The following PPP2R3B variants were observed in gnomAD, a reference collection of about 807,000 sequenced individuals.
PPP2R3B encodes the protein protein phosphatase 2 regulatory subunit B''beta, also known as serine/threonine-protein phosphatase 2A regulatory subunit B'' subunit beta.
Under a neutral mutation model 72.9 loss-of-function variants are expected in PPP2R3B, and 68 were observed. That is an observed-to-expected ratio of 0.93 (90% confidence interval 0.77 to 1.14). The LOEUF is 1.14. Among genes scored for constraint, PPP2R3B ranks in the 50% most tolerant of loss-of-function variants. The pLI, the probability that PPP2R3B is intolerant of heterozygous loss-of-function variation, is 0.00. For synonymous variants in PPP2R3B, 466 were observed against 375.8 expected (o/e 1.24, Z -2.78); for missense variants, 1,018 against 842.0 (o/e 1.21, Z -2.59).
rs2072246627 is a variant in PPP2R3B, at chrX:386,262, G to C, written c.324+106C>G. On this transcript the variant is annotated intron_variant, in intron 1 of 12. Transcript: ENST00000390665. Reference sequence around the variant, plus strand: ...CGGGGAACAGACTCAATATGAAACCGTTTTGGGGTCTGACGCTCGCCCACC... The same window carrying C: ...CGGGGAACAGACTCAATATGAAACCCTTTTGGGGTCTGACGCTCGCCCACC... The C allele has an allele frequency of 3.1e-6, 3 of 977,536 alleles. No individual in the cohort carries two copies. In the Admixed American group the frequency reaches 1.3e-4, roughly 42 times the overall value. 60.6% of individuals were successfully genotyped at this position (977,536 alleles called of 1,614,324 possible).
intron 2 of PPP2R3B, chrX:359,774 A>C (rs1172098539): frequency 2.1e-6 from 1 of 486,428 alleles, no homozygotes; most frequent in African/African-American, 2.0e-5. Flanking sequence ...ACATATTTGT[A>C]CATAATTGCT....
rs2071227935 is a variant in PPP2R3B, at chrX:346,873, T to G, written c.718-98A>C. On this transcript the variant is annotated intron_variant, in intron 4 of 12. Transcript: ENST00000390665. Reference sequence around the variant, plus strand: ...CAGACGCGGACCCTCCCGTGAGCGATGAGGTGTGCGGTGTAGACGCCGGCC... The same window carrying G: ...CAGACGCGGACCCTCCCGTGAGCGAGGAGGTGTGCGGTGTAGACGCCGGCC... The G allele has an allele frequency of 1.2e-5, 14 of 1,168,246 alleles. No individual in the cohort carries two copies. In the South Asian group the frequency reaches 1.8e-4, roughly 15 times the overall value. The allele number at this position is 1,168,246 out of a possible 1,614,324, so 72.4% of individuals were successfully genotyped here. A position where few individuals can be genotyped will look rare whatever the true frequency, so the allele number is the denominator to read the frequency against.
At chrX:346,035 CGGTGGA>C (rs1265902929) in intron 6 of PPP2R3B, 133 bp downstream of exon 6, 14 of 515,166 alleles carry the variant, frequency 2.7e-5, no homozygotes, top group South Asian at 1.2e-4. Flanking sequence ...GCTGGGAGCG[CGGTGGA>C]GGTGGGGGTG....
chrX:353,763 C>T (rs1477193064), intron 2 of PPP2R3B, among the ~76,000 whole-genome samples: 6 of 149,356 alleles, frequency 4.0e-5, no homozygotes, highest in Admixed American at 1.3e-4. Context: ...ACCCAAAGAC[C>T]GGGGGCTCAC....
At chrX:346,582 C>T (rs1347375661) in intron 5 of PPP2R3B, 119 bp downstream of exon 5, 1 of 990,754 alleles carries the variant, frequency 1.0e-6, no homozygotes, top group East Asian at 2.7e-5. Context: ...CGGCCGCCTC[C>T]TCCGGAAGCT....
chrX:342,141 T>C (rs1260971020), intron 7 of PPP2R3B: 1 of 637,746 alleles, frequency 1.6e-6, no homozygotes, highest in African/African-American at 1.8e-5. Flanking sequence ...CAGCATGAAA[T>C]CCACAGAGCG....
chrX:363,117 A>G (rs2071576744), intron 1 of PPP2R3B, among the ~76,000 whole-genome samples: 1 of 151,120 alleles, frequency 6.6e-6, no homozygotes, highest in South Asian at 2.1e-4. Context: ...GTAGCTGCCG[A>G]CTGAGTGCTC....
intron 7 of PPP2R3B, among the ~76,000 whole-genome samples, chrX:344,018 A>AGGCGGGAGGGAGACGTCGCCAACGG (rs2071136299): frequency 8.5e-4 from 4 of 4,680 alleles, no homozygotes; most frequent in Admixed American, 1.8e-3. Flanking sequence ...GTCGCCAAGG[A>AGGCGGGAGGGAGACGTCGCCAACGG]GAGGCGGGAG....
chrX:334,441 C>G lies in PPP2R3B; in HGVS notation c.1654G>C (p.Glu552Gln), dbSNP rs776272253. 8 of 1,595,832 alleles carry G rather than the reference C, an allele frequency of 5.0e-6. No individual in the cohort carries two copies. In the South Asian group the frequency reaches 6.7e-5, roughly 13 times the overall value. The change falls in exon 13 of 13, where the codon GAG becomes CAG. Residue 552 changes from glutamate to glutamine, a missense_variant. By Grantham distance (29) the Glu-to-Gln change is conservative. Coordinates refer to ENST00000390665, the MANE Select transcript of PPP2R3B (RefSeq NM_013239.5). ...RSPLAQRPFF[E>Q]APSPLGAVDL... The stretch of plus-strand genomic sequence containing the variant: ...ACGGCGCCCAGCGGTGAGGGCGCCT[C>G]GAAGAAGGGCCTCTGGGCCAGCGGG...
chrX:364,676 C>T lies in PPP2R3B; in HGVS notation c.325-3086G>A, dbSNP rs745771002. 5.0e-5 allele frequency among the ~76,000 whole-genome samples: 5 copies of T among 100,832 alleles called. 1 individual carries two copies. The East Asian group carries it at 1.5e-3, about 31-fold the overall frequency. The allele number at this position is 100,832 out of a possible 152,430, so 66.1% of individuals were successfully genotyped here. ...GAGGTTGCAGTGAGCTGAGATCGCA[C>T]CACTGCACTCCAGCCTGGGCGACAG... On this transcript the variant is annotated intron_variant, in intron 1 of 12. Coordinates refer to ENST00000390665, the MANE Select transcript of PPP2R3B (RefSeq NM_013239.5).
intron 2 of PPP2R3B, among the ~76,000 whole-genome samples, chrX:351,219 G>A (rs1210391096): frequency 6.6e-6 from 1 of 152,218 alleles, no homozygotes; most frequent in Admixed American, 6.5e-5. Flanking sequence ...TGGCCACCTG[G>A]AAGGGCGTCC....
At chrX:374,473 G>A (rs1603126845) in intron 1 of PPP2R3B, among the ~76,000 whole-genome samples, 1 of 152,364 alleles carries the variant, frequency 6.6e-6, no homozygotes, top group East Asian at 1.9e-4. Flanking sequence ...ACTGCTCACT[G>A]TGATAACTGC....
At chrX:375,144 C>T (rs2071961306) in intron 1 of PPP2R3B, among the ~76,000 whole-genome samples, 1 of 152,174 alleles carries the variant, frequency 6.6e-6, no homozygotes, top group Non-Finnish European at 1.5e-5. Context: ...CTTCTCCAGC[C>T]ATCCTCGGAT....
intron 12 of PPP2R3B, chrX:338,348 C>T (rs1049367298): frequency 1.7e-6 from 1 of 593,500 alleles, no homozygotes; most frequent in Non-Finnish European, 3.0e-6. Flanking sequence ...ATGTGCGAAG[C>T]CTCGCGCCCA....
At chrX:339,149 C>A (rs1039948383) in intron 10 of PPP2R3B, among the ~76,000 whole-genome samples, 12 of 123,960 alleles carry the variant, frequency 9.7e-5, no homozygotes, top group Non-Finnish European at 1.4e-4. Context: ...CTGGGACTAG[C>A]GCAGGGAGGC....
chrX:358,807 T>C (rs1233792757), intron 2 of PPP2R3B, among the ~76,000 whole-genome samples: 1 of 89,610 alleles, frequency 1.1e-5, no homozygotes, highest in East Asian at 3.0e-4. Flanking sequence ...GTGGCCGCTG[T>C]GGGGGGCGGC....
At chrX:345,071 C>G in intron 7 of PPP2R3B, 3 of 426,864 alleles carry the variant, frequency 7.0e-6, no homozygotes, top group South Asian at 5.1e-5. Flanking sequence ...GCACCGGCTC[C>G]CGCGGAGGTA....
chrX:344,910 G>A, intron 7 of PPP2R3B: 2 of 346,492 alleles, frequency 5.8e-6, no homozygotes, highest in Non-Finnish European at 1.1e-5. Context: ...AACAGTCTTG[G>A]TCATATGGTT....
At position 340,642 on chromosome X, in the gene PPP2R3B, T is replaced by A. The variant is rs1401847338; in HGVS notation, c.1351+123A>T. The A allele has an allele frequency of 2.4e-3, 213 of 89,680 alleles. 7 individuals are homozygous for A. The highest frequency in any genetic ancestry group is 0.012 in the East Asian group (23 of 1,982). 5.6% of individuals were successfully genotyped at this position (89,680 alleles called of 1,614,324 possible). A position where few individuals can be genotyped will look rare whatever the true frequency, so the allele number is the denominator to read the frequency against. On this transcript the variant is annotated intron_variant, in intron 10 of 12. Transcript: ENST00000390665. The stretch of plus-strand genomic sequence containing the variant: ...CGTCCTCCCTCCCGTCCGTCCCCTC[T>A]CCCTGGGCTGTCATCCGTCCCCTCT...
Sources: allele counts gnomAD v4.1 joint callset (sites outside exome capture counted in the v4.1 genomes callset), GRCh38; gene constraint gnomAD v4.1.1; transcripts MANE v1.5; gene names NCBI Gene and HGNC (gene_info 2026-07-23, HGNC 2026-07-21).